Variants in GRHL2 observed in about 807,000 individuals in gnomAD.
The protein encoded by GRHL2 is grainyhead-like protein 2 homolog.
Under a neutral mutation model 83.8 loss-of-function variants are expected in GRHL2, and 21 were observed. That is an observed-to-expected ratio of 0.25 (90% CI 0.18 to 0.36). GRHL2 has a LOEUF of 0.36. Among genes scored for constraint, GRHL2 ranks in the 10% least tolerant of loss-of-function variants. The pLI, the probability that GRHL2 is intolerant of heterozygous loss-of-function variation, is 1.00. For synonymous variants in GRHL2, 280 were observed against 278.9 expected (o/e 1.00, Z -0.04); for missense variants, 623 against 781.8 (o/e 0.80, Z 2.42).
At chr8:101,629,111 G>A (rs1313646701) in intron 9 of GRHL2, among the ~76,000 whole-genome samples, 2 of 152,148 alleles carry the variant, frequency 1.3e-5, no homozygotes, top group African/African-American at 2.4e-5. Context: ...ACAGCATCAC[G>A]TGTTACAGAG....
At chr8:101,639,622 T>C (rs1813357507) in intron 12 of GRHL2, among the ~76,000 whole-genome samples, 1 of 152,222 alleles carries the variant, frequency 6.6e-6, no homozygotes, top group African/African-American at 2.4e-5. Context: ...ATAAAGTATG[T>C]ATTGAGAGAC....
At chr8:101,608,680 T>C (rs1233144995) in intron 8 of GRHL2, among the ~76,000 whole-genome samples, 1 of 152,026 alleles carries the variant, frequency 6.6e-6, no homozygotes, top group Non-Finnish European at 1.5e-5. Context: ...ACCCTTTACC[T>C]AGATTGACTC....
chr8:101,644,848 G>A (rs989427620), intron 13 of GRHL2, among the ~76,000 whole-genome samples: 3 of 148,880 alleles, frequency 2.0e-5, no homozygotes, highest in Non-Finnish European at 4.4e-5. Context: ...GCCAGTACTG[G>A]ATTTTTTTTT....
At chr8:101,555,800 G>T (rs1165491719) in intron 3 of GRHL2, among the ~76,000 whole-genome samples, 2 of 152,098 alleles carry the variant, frequency 1.3e-5, no homozygotes, top group Admixed American at 6.5e-5. Flanking sequence ...TATTTGCTGT[G>T]TTCATGTGGA....
At chr8:101,602,420 G>T (rs4734547) in intron 8 of GRHL2, among the ~76,000 whole-genome samples, 2,411 of 152,326 alleles carry the variant, frequency 0.016, 72 homozygotes, top group South Asian at 0.1. Flanking sequence ...CTTCAGGGCA[G>T]CAGGCCCTTT....
intron 4 of GRHL2, among the ~76,000 whole-genome samples, chr8:101,568,028 C>G (rs1019437361): frequency 2.6e-5 from 4 of 152,164 alleles, no homozygotes; most frequent in African/African-American, 9.7e-5. Context: ...TAATTCCTGA[C>G]CATATTAAAT....
rs34421761 is a variant in GRHL2 at position 101,545,443 on chromosome 8, GAAAAAAAAAAAA to G, written c.216+2025_216+2036del. Among the ~76,000 whole-genome samples the G allele has an allele frequency of 5.7e-3, 333 of 58,934 alleles. 3 individuals carry two copies. The highest frequency in any genetic ancestry group is 8.3e-3 in the Non-Finnish European group (270 of 32,610). 38.7% of individuals were successfully genotyped at this position (58,934 alleles called of 152,430 possible). Reference sequence around the variant, plus strand: ...TTCTCTACAGTGAAGGGGAATTCCTGAAAAAAAAAAAAAAAAAAAAAAAAAAAAAGTCTGAAA... The same window carrying G: ...TTCTCTACAGTGAAGGGGAATTCCTGAAAAAAAAAAAAAAAAAGTCTGAAA... On this transcript the variant is annotated intron_variant, in intron 2 of 15. Coordinates refer to ENST00000646743, the MANE Select transcript of GRHL2 (RefSeq NM_024915.4).
chr8:101,666,092 C>T (rs1814049192), intron 15 of GRHL2, among the ~76,000 whole-genome samples: 1 of 152,220 alleles, frequency 6.6e-6, no homozygotes, highest in Non-Finnish European at 1.5e-5. Flanking sequence ...TGACACCTAC[C>T]TTCACAGTTG....
chr8:101,522,621 C>A (rs1810708821), intron 1 of GRHL2, among the ~76,000 whole-genome samples: 1 of 152,106 alleles, frequency 6.6e-6, no homozygotes, highest in Non-Finnish European at 1.5e-5. Context: ...AGTGGATGAT[C>A]ATGAAGATTT....
In GRHL2 at chr8:101,496,258, CTAT is replaced by C. The variant is rs368142820; in HGVS notation, c.20+3474_20+3476del. On this transcript the variant is annotated intron_variant, in intron 1 of 15. Transcript: ENST00000646743. ...GTGTGTTTTTTGTTAAGGAGTCCTGCTATTATTCAGAAAATGGCTGAAGTTATA... is the reference window on the plus strand; with the variant it reads ...GTGTGTTTTTTGTTAAGGAGTCCTGCTATTCAGAAAATGGCTGAAGTTATA... 4.5e-3 allele frequency among the ~76,000 whole-genome samples: 679 copies of C among 151,836 alleles called. 4 individuals are homozygous for C. The highest frequency in any genetic ancestry group is 0.016 in the African/African-American group (655 of 41,344).
At chr8:101,563,519 G>A (rs915020809) in intron 4 of GRHL2, among the ~76,000 whole-genome samples, 1 of 152,096 alleles carries the variant, frequency 6.6e-6, no homozygotes, top group South Asian at 2.1e-4. Context: ...AGTGCCTGCT[G>A]TATTCTGTGG....
chr8:101,500,982 T>C (rs1378496319), intron 1 of GRHL2, among the ~76,000 whole-genome samples: 1 of 152,214 alleles, frequency 6.6e-6, no homozygotes, highest in Admixed American at 6.5e-5. Context: ...TCATGAGTTT[T>C]GGTGAGCAGT....
intron 6 of GRHL2, among the ~76,000 whole-genome samples, chr8:101,576,184 T>G (rs1296162579): frequency 6.6e-6 from 1 of 152,210 alleles, no homozygotes; most frequent in Non-Finnish European, 1.5e-5. Flanking sequence ...TACTAATGTG[T>G]AAACTGCTAC....
intron 12 of GRHL2, among the ~76,000 whole-genome samples, chr8:101,640,484 C>T (rs1309630406): frequency 6.6e-6 from 1 of 152,134 alleles, no homozygotes; most frequent in Non-Finnish European, 1.5e-5. Context: ...ATGGATGTCT[C>T]TTATGGAGAA....
chr8:101,509,226 T>TCTCTTTCTTTCTTTCTTC (rs1563556343), intron 1 of GRHL2, among the ~76,000 whole-genome samples: 5 of 145,836 alleles, frequency 3.4e-5, no homozygotes, highest in Non-Finnish European at 4.5e-5. Context: ...TGTGTGTGTG[T>TCTCTTTCTTTCTTTCTTC]GTGTGTGTGT....
intron 14 of GRHL2, among the ~76,000 whole-genome samples, chr8:101,661,484 C>T (rs1402265972): frequency 3.9e-5 from 6 of 152,200 alleles, no homozygotes; most frequent in Non-Finnish European, 7.3e-5. Context: ...CTGTAACACA[C>T]ACACATCCTC....
intron 7 of GRHL2, among the ~76,000 whole-genome samples, chr8:101,592,816 GACAC>G (rs1280030338): frequency 6.6e-6 from 1 of 152,154 alleles, no homozygotes; most frequent in Non-Finnish European, 1.5e-5. Context: ...AGATTCCAAG[GACAC>G]ACACAGACTT....
rs1370697999 is a variant in GRHL2, at chr8:101,619,646, C to G, written c.1206C>G (p.Ser402Arg). Residue 402 changes from serine (S) to arginine (R), a missense_variant, in exon 9 of 16, where the codon AGC (serine) becomes AGG (arginine). Physicochemically the swap from Ser to Arg is moderately radical, Grantham distance 110. This residue lies in a region of GRHL2 where 24 missense variants were observed against 25.5 expected (regional missense o/e 0.94). Coordinates refer to ENST00000646743, the MANE Select transcript of GRHL2 (RefSeq NM_024915.4). ...ACACATACAGTTATAACAATCGTAG[C>G]AATAAACCCATTCATAGAGCTTATT... ...QIDTYSYNNR[S>R]NKPIHRAYCQ... The G allele has an allele frequency of 6.2e-7, 1 of 1,613,090 alleles. No homozygotes were observed.
chr8:101,604,585 A>G (rs958743949), intron 8 of GRHL2, among the ~76,000 whole-genome samples: 4 of 152,096 alleles, frequency 2.6e-5, no homozygotes, highest in African/African-American at 9.7e-5. Context: ...TTTCAGGAAC[A>G]CTTTTCCTTT....
Sources: gnomAD v4.1 joint callset for allele counts (sites outside exome capture counted in the v4.1 genomes callset) on GRCh38, gnomAD v4.1.1 for gene constraint, gnomAD v4.1.1 regional missense constraint, MANE v1.5 for transcripts, NCBI Gene and HGNC (gene_info 2026-07-23, HGNC 2026-07-21) for gene names.